Variants in DNAH5 observed in about 807,000 individuals in gnomAD.
DNAH5 encodes axonemal beta dynein heavy chain 5.
DNAH5 carries 372 observed loss-of-function variants against 518.2 expected under a neutral mutation model. That is an observed-to-expected ratio of 0.72 (90% CI 0.66 to 0.78). The LOEUF (loss-of-function observed/expected upper bound fraction) is 0.78, where lower values mean the gene tolerates loss of function less well. Ranked by LOEUF, DNAH5 falls within the 30% of genes least tolerant of loss-of-function variation. DNAH5 has a pLI of 0.00. For synonymous variants in DNAH5, 2,039 were observed against 2,025.9 expected (o/e 1.01, Z -0.17); for missense variants, 5,523 against 5,687.0 (o/e 0.97, Z 0.93).
intron 22 of DNAH5, among the ~76,000 whole-genome samples, chr5:13,874,946 C>A (rs927903703): frequency 6.6e-6 from 1 of 152,192 alleles, no homozygotes; most frequent in African/African-American, 2.4e-5. Flanking sequence ...GATCATAGGA[C>A]TTTCTGTGGT....
chr5:13,933,340 A>G (rs1778603234), intron 1 of DNAH5, among the ~76,000 whole-genome samples: 1 of 152,222 alleles, frequency 6.6e-6, no homozygotes, highest in Non-Finnish European at 1.5e-5. Context: ...CATTCAATAA[A>G]TATTTGTCAA....
chr5:13,713,539 G>T (rs1344672665), intron 75 of DNAH5, among the ~76,000 whole-genome samples: 1 of 147,100 alleles, frequency 6.8e-6, no homozygotes, highest in Non-Finnish European at 1.5e-5. Flanking sequence ...AACAGCATTT[G>T]GAGCGATCTG....
chr5:13,993,741 C>G (rs1009909259), intron 1 of DNAH5, among the ~76,000 whole-genome samples: 10 of 152,200 alleles, frequency 6.6e-5, no homozygotes, highest in Non-Finnish European at 1.5e-4. Context: ...GCCTAATGTA[C>G]AGACGTGCCC....
At chr5:13,887,368 G>T (rs1772578129) in intron 17 of DNAH5, among the ~76,000 whole-genome samples, 1 of 152,114 alleles carries the variant, frequency 6.6e-6, no homozygotes, top group East Asian at 1.9e-4. Context: ...AAATAGCATA[G>T]AAATTAACAA....
At chr5:13,854,608 G>T (rs534371500) in intron 30 of DNAH5, among the ~76,000 whole-genome samples, 1 of 152,132 alleles carries the variant, frequency 6.6e-6, no homozygotes, top group African/African-American at 2.4e-5. Flanking sequence ...TCAGTGTGCT[G>T]TATTCAGGAG....
At position 13,901,990 on chromosome 5, in the gene DNAH5, TAAC is replaced by T. The variant is rs1774689090; in HGVS notation, c.1730+60_1730+62del. The T allele has an allele frequency of 2.6e-6, 3 of 1,153,160 alleles. No individual in the cohort carries two copies. In the African/African-American group the frequency reaches 4.6e-5, roughly 18 times the overall value. The allele number at this position is 1,153,160 out of a possible 1,614,324, so 71.4% of individuals were successfully genotyped here. On this transcript the variant is annotated intron_variant, in intron 13 of 78. Coordinates refer to ENST00000265104, the MANE Select transcript of DNAH5 (RefSeq NM_001369.3). ...GAATATGAAATAATAATAATAGGAA[TAAC>T]AACAATAAAAGCTAAACTATCCCAA...
In DNAH5 at chr5:13,769,506, C is replaced by T. The variant is rs531401316; in HGVS notation, c.9715G>A (p.Asp3239Asn). 52 of 1,613,656 alleles carry T rather than the reference C, an allele frequency of 3.2e-5. No homozygotes were observed. Among genetic ancestry groups the T allele is most frequent in the East Asian group, 2.7e-4 (12 of 44,874 alleles). ...KELQVANDKA[D>N]MVLKEVTMKA... ...ATGTGTAAATGCCCACCCACCATGTCGGCTTTATCGTTGGCCACTTGTAGC... is the reference window on the plus strand; with the variant it reads ...ATGTGTAAATGCCCACCCACCATGTTGGCTTTATCGTTGGCCACTTGTAGC... Residue 3239 changes from aspartate to asparagine, a missense_variant, in exon 57 of 79, where the codon GAC becomes AAC. By Grantham distance (23) the Asp-to-Asn change is conservative. Transcript: ENST00000265104.
intron 1 of DNAH5, among the ~76,000 whole-genome samples, chr5:13,976,702 T>TAC (rs1782272950): frequency 2.4e-5 from 3 of 125,190 alleles, no homozygotes; most frequent in Non-Finnish European, 3.4e-5. Flanking sequence ...TATATATATA[T>TAC]ATATATATAC....
chr5:14,003,548 A>G (rs560246684), intron 1 of DNAH5, among the ~76,000 whole-genome samples: 1 of 152,324 alleles, frequency 6.6e-6, no homozygotes, highest in South Asian at 2.1e-4. Flanking sequence ...CTTCTGAGGC[A>G]GACAGTGGTT....
intron 76 of DNAH5, among the ~76,000 whole-genome samples, chr5:13,704,273 G>A (rs1452690355): frequency 1.3e-5 from 2 of 152,090 alleles, no homozygotes; most frequent in Admixed American, 6.5e-5. Context: ...CAGGGGGAAA[G>A]GGACCACACA....
intron 2 of DNAH5, among the ~76,000 whole-genome samples, chr5:13,929,204 C>T (rs147431940): frequency 2.6e-5 from 4 of 152,296 alleles, no homozygotes; most frequent in African/African-American, 7.2e-5. Context: ...ACCTTGCAAA[C>T]CTTACACTAA....
chr5:13,946,090 T>G (rs1355740849), upstream of DNAH5, among the ~76,000 whole-genome samples: 1 of 152,202 alleles, frequency 6.6e-6, no homozygotes, highest in Non-Finnish European at 1.5e-5. Flanking sequence ...CCAAGAATCC[T>G]CTGTCAACAC....
rs1431121719 is a variant in DNAH5, at chr5:13,844,908, C to T, written c.5200G>A (p.Asp1734Asn). ...AAATGGGCCTGTATAGTGTGGGAGT[C>T]CGACGCCTGCCCCAGAATCTCTAGA... Reference protein sequence around the residue: ...ALLEILGQASDSHTIQAHLLN... With the variant: ...ALLEILGQASNSHTIQAHLLN... Residue 1734 changes from aspartate (D) to asparagine (N), a missense_variant, in exon 32 of 79, where the codon GAC (aspartate) becomes AAC (asparagine). Transcript: ENST00000265104. 1.9e-6 allele frequency: 3 copies of T among 1,614,156 alleles called. No individual in the cohort carries two copies. In the South Asian group the frequency reaches 3.3e-5, roughly 18 times the overall value.
At chr5:13,720,946 T>G (rs1744966208) in intron 71 of DNAH5, 54 bp downstream of exon 71, 1 of 1,613,200 alleles carries the variant, frequency 6.2e-7, no homozygotes, top group Admixed American at 1.7e-5. Context: ...GCATTGCTAT[T>G]CTATAACCTG....
chr5:13,974,926 T>C (rs923332736), intron 1 of DNAH5, among the ~76,000 whole-genome samples: 1 of 152,082 alleles, frequency 6.6e-6, no homozygotes, highest in Non-Finnish European at 1.5e-5. Context: ...GGCAGCCCTA[T>C]AGCATGATGT....
intron 29 of DNAH5, among the ~76,000 whole-genome samples, chr5:13,860,960 T>C (rs1439656689): frequency 6.6e-6 from 1 of 152,200 alleles, no homozygotes; most frequent in African/African-American, 2.4e-5. Context: ...TTCTGAATAT[T>C]TGTATGCTCT....
intron 1 of DNAH5, among the ~76,000 whole-genome samples, chr5:13,971,912 C>T (rs368452340): frequency 7.9e-5 from 12 of 152,170 alleles, no homozygotes; most frequent in African/African-American, 1.4e-4. Context: ...TCTTCAGCTA[C>T]CAAGGTGGGT....
intron 76 of DNAH5, among the ~76,000 whole-genome samples, chr5:13,702,628 G>A (rs1742261927): frequency 6.6e-6 from 1 of 151,666 alleles, no homozygotes. Context: ...AGGCAATTCA[G>A]ATACAAAACT....
chr5:13,799,119 A>G (rs1758322519), intron 47 of DNAH5, among the ~76,000 whole-genome samples: 1 of 152,126 alleles, frequency 6.6e-6, no homozygotes, highest in Admixed American at 6.6e-5. Flanking sequence ...ACTATTTTTA[A>G]ATAGAATGAG....
Sources: allele counts gnomAD v4.1 joint callset (sites outside exome capture counted in the v4.1 genomes callset), GRCh38; gene constraint gnomAD v4.1.1; transcripts MANE v1.5; gene names NCBI Gene and HGNC (gene_info 2026-07-23, HGNC 2026-07-21).